DPY19L3: variants seen among roughly 807,000 people sequenced by gnomAD.
The protein encoded by DPY19L3 is dpy-19 like C-mannosyltransferase 3.
Under a neutral mutation model 92.3 loss-of-function variants are expected in DPY19L3, and 51 were observed. That is an observed-to-expected ratio of 0.55 (90% CI 0.44 to 0.70). The LOEUF (loss-of-function observed/expected upper bound fraction) is 0.70, where lower values mean the gene tolerates loss of function less well. DPY19L3 is among the 30% of genes least tolerant of loss of function. The pLI, the probability that DPY19L3 is intolerant of heterozygous loss-of-function variation, is 0.00. For synonymous variants in DPY19L3, 309 were observed against 315.2 expected (o/e 0.98, Z 0.21); for missense variants, 706 against 855.9 (o/e 0.82, Z 2.18).
At chr19:32,467,709 G>A in intron 15 of DPY19L3, 2 of 987,354 alleles carry the variant, frequency 2.0e-6, no homozygotes, top group Middle Eastern at 2.9e-4. Context: ...ATTGTCATTG[G>A]TCTTCTATGC....
chr19:32,421,471 C>G (rs144626464), intron 3 of DPY19L3, among the ~76,000 whole-genome samples: 2 of 152,216 alleles, frequency 1.3e-5, no homozygotes, highest in East Asian at 3.9e-4. Flanking sequence ...AAAACCCTGT[C>G]TCTACTAAAA....
chr19:32,417,879 C>A (rs1968430847), intron 3 of DPY19L3, among the ~76,000 whole-genome samples: 1 of 152,146 alleles, frequency 6.6e-6, no homozygotes, highest in Non-Finnish European at 1.5e-5. Flanking sequence ...TTCTTTCTTG[C>A]ACAGGAGGAA....
At position 32,436,686 on chromosome 19, in the gene DPY19L3, T is replaced by C. The variant is rs556368331; in HGVS notation, c.450+119T>C. 1.1e-5 allele frequency: 10 copies of C among 924,774 alleles called. No homozygotes were observed. The East Asian group carries it at 2.3e-4, about 21-fold the overall frequency. 57.3% of individuals were successfully genotyped at this position (924,774 alleles called of 1,614,324 possible). On this transcript the variant is annotated intron_variant, in intron 5 of 18. Coordinates refer to ENST00000392250, the MANE Select transcript of DPY19L3 (RefSeq NM_001172774.2). ...AACTGGTTTAGTAGAAAATCAGCAA[T>C]ACTATATTTTTTTTCCATGTATATT...
At chr19:32,408,869 T>A (rs1968078286) in intron 2 of DPY19L3, among the ~76,000 whole-genome samples, 1 of 152,122 alleles carries the variant, frequency 6.6e-6, no homozygotes, top group Non-Finnish European at 1.5e-5. Context: ...TGGTAAAGAC[T>A]TGCTAAGTGA....
At chr19:32,437,127 G>A (rs757808891) in intron 5 of DPY19L3, 67 bp from the exon 6 acceptor site, 17 of 1,588,830 alleles carry the variant, frequency 1.1e-5, no homozygotes, top group Non-Finnish European at 1.5e-5. Context: ...CTACTGTCAT[G>A]TTTTAAATGG....
At chr19:32,437,699 A>C (rs1363461822) in intron 6 of DPY19L3, among the ~76,000 whole-genome samples, 1 of 152,142 alleles carries the variant, frequency 6.6e-6, no homozygotes, top group Non-Finnish European at 1.5e-5. Context: ...TGGGCTACAT[A>C]GTGATATTTC....
At chr19:32,463,232 A>G (rs1970095652) in intron 12 of DPY19L3, 134 bp from the exon 13 acceptor site, 1 of 1,003,566 alleles carries the variant, frequency 1.0e-6, no homozygotes, top group East Asian at 2.7e-5. Flanking sequence ...ATCAATGCGA[A>G]TTCATTTCAT....
chr19:32,416,752 G>T (rs117987918), intron 3 of DPY19L3, among the ~76,000 whole-genome samples: 7 of 152,198 alleles, frequency 4.6e-5, no homozygotes, highest in African/African-American at 1.7e-4. Context: ...ACACTATGTG[G>T]AGCCAACCAA....
rs112793377 is a variant in DPY19L3, at chr19:32,417,008, C to G, written c.237+5636C>G. ...AATTAGGAGCTCACCCTGTCACCTG[C>G]TAGCCCAGGCTTTCAGATGAGGTCT... On this transcript the variant is annotated intron_variant, in intron 3 of 18. Coordinates refer to ENST00000392250, the MANE Select transcript of DPY19L3 (RefSeq NM_001172774.2). Among the ~76,000 whole-genome samples the G allele has an allele frequency of 4.3e-4, 65 of 152,350 alleles. 2 individuals are homozygous for G. The highest frequency in any genetic ancestry group is 1.5e-3 in the African/African-American group (63 of 41,588).
At chr19:32,454,639 C>T (rs1568348322) in intron 9 of DPY19L3, among the ~76,000 whole-genome samples, 3 of 152,060 alleles carry the variant, frequency 2.0e-5, no homozygotes. Flanking sequence ...GAGTACCTTC[C>T]AAATGGCAGA....
chr19:32,410,015 T>C (rs965399286), intron 2 of DPY19L3, among the ~76,000 whole-genome samples: 3 of 152,226 alleles, frequency 2.0e-5, no homozygotes, highest in Admixed American at 2.0e-4. Context: ...ACTGCTGCCA[T>C]GTTGCATTCC....
intron 18 of DPY19L3, chr19:32,480,775 G>GC: frequency 1.2e-5 from 7 of 605,144 alleles, no homozygotes; most frequent in Non-Finnish European, 2.0e-5. Flanking sequence ...GGAGCCCTGG[G>GC]TCCCCAGTGT....
At chr19:32,469,702 T>C (rs1970299775) in intron 16 of DPY19L3, among the ~76,000 whole-genome samples, 1 of 152,158 alleles carries the variant, frequency 6.6e-6, no homozygotes, top group South Asian at 2.1e-4. Context: ...TTTAGTGTCC[T>C]ATTGGCTCTT....
intron 3 of DPY19L3, among the ~76,000 whole-genome samples, chr19:32,428,420 A>G (rs1968842043): frequency 6.6e-6 from 1 of 151,964 alleles, no homozygotes; most frequent in South Asian, 2.1e-4. Context: ...AGTGGTGGAG[A>G]GAGATTGTAC....
chr19:32,439,598 G>A (rs976168443), intron 7 of DPY19L3, among the ~76,000 whole-genome samples, 178 bp from the exon 8 acceptor site: 2 of 152,168 alleles, frequency 1.3e-5, no homozygotes, highest in African/African-American at 4.8e-5. Context: ...ATATTTATAT[G>A]CAAAGTGTCA....
intron 8 of DPY19L3, among the ~76,000 whole-genome samples, chr19:32,447,618 G>C (rs1568343621): frequency 6.6e-6 from 1 of 152,044 alleles, no homozygotes; most frequent in Non-Finnish European, 1.5e-5. Context: ...TTGGGAGGCT[G>C]AGCAGGAGAA....
chr19:32,431,578 C>T (rs1968970072), intron 3 of DPY19L3, among the ~76,000 whole-genome samples: 3 of 152,082 alleles, frequency 2.0e-5, no homozygotes, highest in African/African-American at 7.2e-5. Flanking sequence ...TCTTGGATTT[C>T]AGATTTTGGA....
At chr19:32,437,113 A>T in intron 5 of DPY19L3, 81 bp from the exon 6 acceptor site, 1 of 1,545,272 alleles carries the variant, frequency 6.5e-7, no homozygotes, top group Non-Finnish European at 8.8e-7. Context: ...TGCATATTGT[A>T]TTCCTACTGT....
At chr19:32,423,422 G>GTTTTTTTTTTTTTTTTTTTTT (rs1599601418) in intron 3 of DPY19L3, among the ~76,000 whole-genome samples, 3 of 48,488 alleles carry the variant, frequency 6.2e-5, no homozygotes, top group South Asian at 6.7e-4. Flanking sequence ...TTTTTTTTTG[G>GTTTTTTTTTTTTTTTTTTTTT]TATTTTTAGT....
Sources: allele counts gnomAD v4.1 joint callset (sites outside exome capture counted in the v4.1 genomes callset), GRCh38; gene constraint gnomAD v4.1.1; transcripts MANE v1.5; gene names NCBI Gene and HGNC (gene_info 2026-07-23, HGNC 2026-07-21).